The following RASL10B variants were observed in gnomAD, a reference collection of about 807,000 sequenced individuals.
The protein encoded by RASL10B is ras-like protein family member 10B.
RASL10B carries 10 observed loss-of-function variants against 20.7 expected under a neutral mutation model. That is an observed-to-expected ratio of 0.48 (90% CI 0.30 to 0.82). The LOEUF (loss-of-function observed/expected upper bound fraction) is 0.82. RASL10B is among the 40% of genes least tolerant of loss of function. The pLI is 0.07. For synonymous variants in RASL10B, 110 were observed against 123.3 expected, an observed-to-expected ratio of 0.89 and a Z score of 0.72; for missense variants, 231 against 295.4, an observed-to-expected ratio of 0.78 and a Z score of 1.60.
In RASL10B at chr17:35,735,202, G is replaced by C; in HGVS notation, c.18G>C (p.Arg6=). ...CGGGAGGCATGGTCTCCACCTACCG[G>C]GTGGCCGTGCTGGGGGCGCGAGGTG... MVSTY[R]VAVLGARGVG... is the part of the protein sequence containing the mutation. The change falls in exon 2 of 4, where the codon CGG becomes CGC. Residue 6 remains arginine (R), a synonymous_variant. Coordinates refer to ENST00000603017, the MANE Select transcript of RASL10B (RefSeq NM_033315.4). This position sits in a 1 kb window ranked among gnomAD's most constrained non-coding sequence, Gnocchi z 6.7. 1 of 1,610,950 alleles carries C rather than the reference G, an allele frequency of 6.2e-7. No homozygotes were observed. Among genetic ancestry groups the C allele is most frequent in the Non-Finnish European group, 8.5e-7 (1 of 1,179,680 alleles).
At position 35,742,813 on chromosome 17, in the gene RASL10B, G is replaced by A. The variant is rs1555598222; in HGVS notation, c.*1508G>A. ...ACTCCGCTTTGGCCAACCTAGCCAAGGCTGCAGCATATAGACCAGGAAATC... is the reference window on the plus strand; with the variant it reads ...ACTCCGCTTTGGCCAACCTAGCCAAAGCTGCAGCATATAGACCAGGAAATC... On this transcript the variant is annotated 3_prime_UTR_variant, in exon 4 of 4. Coordinates refer to ENST00000603017, the MANE Select transcript of RASL10B (RefSeq NM_033315.4). The A allele has an allele frequency of 2.0e-5, 3 of 152,282 alleles. No individual in the cohort carries two copies. The highest frequency in any genetic ancestry group is 7.2e-5 in the African/African-American group (3 of 41,444). 9.4% of individuals were successfully genotyped at this position (152,282 alleles called of 1,614,324 possible).
Position 35,735,576 on chromosome 17 carries a change from G to A in RASL10B, c.216+176G>A, listed in dbSNP as rs1471276845. ...AGCCGTTCCAGGAATCCATTCATTG[G>A]TGTGCTAGTTTATTCAACAAATATT... On this transcript the variant is annotated intron_variant, in intron 2 of 3. Coordinates refer to ENST00000603017, the MANE Select transcript of RASL10B (RefSeq NM_033315.4). This position sits in a 1 kb window ranked among gnomAD's most constrained non-coding sequence, Gnocchi z 6.7. Among the ~76,000 whole-genome samples, 1 of 152,240 alleles carries A rather than the reference G, an allele frequency of 6.6e-6. No individual in the cohort carries two copies. The highest frequency in any genetic ancestry group is 2.4e-5 in the African/African-American group (1 of 41,476).
chr17:35,738,658 C>T (rs1040560243), intron 2 of RASL10B, among the ~76,000 whole-genome samples: 5 of 152,176 alleles, frequency 3.3e-5, no homozygotes. Context: ...TGGCCTTTTA[C>T]AGTTTGGAAC....
At chr17:35,739,840 G>T (rs1420069678) in intron 2 of RASL10B, among the ~76,000 whole-genome samples, 2 of 152,222 alleles carry the variant, frequency 1.3e-5, no homozygotes, top group Non-Finnish European at 2.9e-5. Context: ...TACAAATGAG[G>T]ATGGCCTGGC....
intron 3 of RASL10B, 113 bp from the exon 4 acceptor site, chr17:35,740,922 G>C: frequency 1.2e-6 from 1 of 854,072 alleles, no homozygotes; most frequent in Non-Finnish European, 1.8e-6. Flanking sequence ...TTAGGGCTGC[G>C]CCTGGAGCAG....
Position 35,741,869 on chromosome 17 carries a change from ATGCGGGT to A in RASL10B, c.*565_*571del, listed in dbSNP as rs2085631517. On this transcript the variant is annotated 3_prime_UTR_variant, in exon 4 of 4. Transcript: ENST00000603017. ...TCAGCACCACCGGCACAGGGCAGAGATGCGGGTGGCCCAAGGACCACGATCAAGGGGT... is the reference window on the plus strand; with the variant it reads ...TCAGCACCACCGGCACAGGGCAGAGAGGCCCAAGGACCACGATCAAGGGGT... 6.5e-6 allele frequency: 1 copy of A among 152,674 alleles called. No individual in the cohort carries two copies. Among genetic ancestry groups the A allele is most frequent in the Non-Finnish European group, 1.5e-5 (1 of 68,238 alleles). 9.5% of individuals were successfully genotyped at this position (152,674 alleles called of 1,614,324 possible).
In RASL10B at chr17:35,741,325, C is replaced by A; in HGVS notation, c.*20C>A. On this transcript the variant is annotated 3_prime_UTR_variant, in exon 4 of 4. Coordinates refer to ENST00000603017, the MANE Select transcript of RASL10B (RefSeq NM_033315.4). The stretch of plus-strand genomic sequence containing the variant: ...ATGTGACGCCTGCGCGCCCCTCGGG[C>A]TGCACCGGCACTGGCCGAGCGGAGG... 6.9e-7 allele frequency: 1 copy of A among 1,444,122 alleles called. No homozygotes were observed. The highest frequency in any genetic ancestry group is 2.5e-5 in the Admixed American group (1 of 40,580). The allele number at this position is 1,444,122 out of a possible 1,614,324, so 89.5% of individuals were successfully genotyped here. A position where few individuals can be genotyped will look rare whatever the true frequency, so the allele number is the denominator to read the frequency against.
chr17:35,734,728 G>A (rs1283829688), intron 1 of RASL10B, among the ~76,000 whole-genome samples: 2 of 152,192 alleles, frequency 1.3e-5, no homozygotes, highest in African/African-American at 4.8e-5. Context: ...TCTTGTCCCA[G>A]GCTCTGTGGG....
At chr17:35,740,059 G>C (rs1444564030) in intron 2 of RASL10B, among the ~76,000 whole-genome samples, 1 of 152,194 alleles carries the variant, frequency 6.6e-6, no homozygotes, top group African/African-American at 2.4e-5. Context: ...CCAACACCCA[G>C]CTCAGAGCTG....
rs781916861 is a variant in RASL10B, at chr17:35,741,282, C to G, written c.589C>G (p.Arg197Gly). 1 of 1,525,262 alleles carries G rather than the reference C, an allele frequency of 6.6e-7. No homozygotes were observed. 94.5% of individuals were successfully genotyped at this position (1,525,262 alleles called of 1,614,324 possible). A position where few individuals can be genotyped will look rare whatever the true frequency, so the allele number is the denominator to read the frequency against. ...AALRFQGALR[R>G]NRCAIM ...CCTGCGCTTCCAGGGCGCGCTGCGC[C>G]GCAACCGCTGCGCCATCATGTGACG... The change falls in exon 4 of 4, where the codon CGC becomes GGC. Residue 197 changes from arginine (R) to glycine (G), a missense_variant. Physicochemically the swap from Arg to Gly is moderately radical, Grantham distance 125. Transcript: ENST00000603017.
chr17:35,739,252 C>T (rs1434471274), intron 2 of RASL10B, among the ~76,000 whole-genome samples: 1 of 152,202 alleles, frequency 6.6e-6, no homozygotes, highest in Non-Finnish European at 1.5e-5. Context: ...TCCTTTGTGC[C>T]TGGCCCCTGC....
At chr17:35,740,285 T>A in intron 2 of RASL10B, 124 bp from the exon 3 acceptor site, 1 of 1,265,614 alleles carries the variant, frequency 7.9e-7, no homozygotes, top group South Asian at 1.4e-5. Flanking sequence ...CTGGGGATGG[T>A]CGGGTATGGA....
chr17:35,733,084 C>T (rs1439189924), intron 1 of RASL10B, among the ~76,000 whole-genome samples: 2 of 152,176 alleles, frequency 1.3e-5, no homozygotes, highest in Non-Finnish European at 2.9e-5. Context: ...GTCTTCACTT[C>T]CCTAAGTCAC....
intron 2 of RASL10B, chr17:35,736,722 A>G (rs1332829793): frequency 1.3e-5 from 2 of 148,900 alleles, no homozygotes; most frequent in African/African-American, 5.0e-5. Flanking sequence ...CTCTATAACC[A>G]CTCTTATCGA....
rs781808043 is a variant in RASL10B at position 35,735,159 on chromosome 17, C to T, written c.-26C>T. Reference sequence around the variant, plus strand: ...GGGGAGCCCCAGACAGCGGCAAGGACGAGGTGGCGGAGTGGGGCGGGAGGC... The same window carrying T: ...GGGGAGCCCCAGACAGCGGCAAGGATGAGGTGGCGGAGTGGGGCGGGAGGC... On this transcript the variant is annotated 5_prime_UTR_variant, in exon 2 of 4. In the 5' UTR this introduces an upstream ATG that the reference lacks. Coordinates refer to ENST00000603017, the MANE Select transcript of RASL10B (RefSeq NM_033315.4). The surrounding 1 kb of genome is among the most constrained non-coding windows in gnomAD (Gnocchi z 6.7). 6.9e-6 allele frequency: 11 copies of T among 1,596,240 alleles called. No individual in the cohort carries two copies. Among genetic ancestry groups the T allele is most frequent in the African/African-American group, 5.3e-5 (4 of 74,776 alleles).
intron 1 of RASL10B, among the ~76,000 whole-genome samples, chr17:35,732,647 C>T (rs1406563681): frequency 6.6e-6 from 1 of 152,116 alleles, no homozygotes. Context: ...TGGGTAGTGC[C>T]CCTCTTGCAT....
chr17:35,735,181 A>G lies in RASL10B; in HGVS notation c.-4A>G, dbSNP rs1315537691. 1 of 1,606,210 alleles carries G rather than the reference A, an allele frequency of 6.2e-7. No individual in the cohort carries two copies. The highest frequency in any genetic ancestry group is 8.5e-7 in the Non-Finnish European group (1 of 1,177,848). ...GGACGAGGTGGCGGAGTGGGGCGGG[A>G]GGCATGGTCTCCACCTACCGGGTGG... is the stretch of plus-strand genomic sequence containing the variant. On this transcript the variant is annotated 5_prime_UTR_variant, in exon 2 of 4. Transcript: ENST00000603017. This position sits in a 1 kb window ranked among gnomAD's most constrained non-coding sequence, Gnocchi z 6.7.
rs782370128 is a variant in RASL10B, at chr17:35,740,531, G to C, written c.339G>C (p.Thr113=). 10 of 1,613,280 alleles carry C rather than the reference G, an allele frequency of 6.2e-6. No individual in the cohort carries two copies. Among genetic ancestry groups the C allele is most frequent in the Non-Finnish European group, 8.5e-6 (10 of 1,179,610 alleles). The change falls in exon 3 of 4, where the codon ACG becomes ACC. Residue 113 remains threonine (T), a splice_region_variant and synonymous_variant. Transcript: ENST00000603017. ...CCATCCGCCAGCAGATCCTGGAGAC[G>C]AGGTGAGAGGCTGGAACACAGTCCA... is the stretch of plus-strand genomic sequence containing the variant. The part of the protein sequence containing the change: ...VKTIRQQILE[T]RVIGTSETPI...
intron 1 of RASL10B, among the ~76,000 whole-genome samples, chr17:35,734,240 C>G (rs2085575988): frequency 6.6e-6 from 1 of 152,210 alleles, no homozygotes. Context: ...GAGTCGAGAT[C>G]ATGCCACTGT....
Sources: allele counts gnomAD v4.1 joint callset (sites outside exome capture counted in the v4.1 genomes callset), GRCh38; gene constraint gnomAD v4.1.1; non-coding constraint Gnocchi (gnomAD v3.1); transcripts MANE v1.5; gene names NCBI Gene and HGNC (gene_info 2026-07-23, HGNC 2026-07-21).